The following CRPPA variants were observed in gnomAD, a reference collection of about 807,000 sequenced individuals.
CRPPA encodes the protein D-ribitol-5-phosphate cytidylyltransferase.
In CRPPA, 43 loss-of-function variants were observed where a neutral mutation model predicts 52.0. The observed-to-expected ratio is 0.83, with a 90% CI of 0.65 to 1.07. The LOEUF (loss-of-function observed/expected upper bound fraction) is 1.07. Ranked by LOEUF, CRPPA falls within the 50% of genes least tolerant of loss-of-function variation. The pLI is 0.00. For synonymous variants in CRPPA, 250 were observed against 203.5 expected (o/e 1.23, Z -1.94); for missense variants, 629 against 551.7 (o/e 1.14, Z -1.40).
intron 9 of CRPPA, among the ~76,000 whole-genome samples, chr7:16,190,642 TG>T (rs1781590616): frequency 6.6e-6 from 1 of 152,172 alleles, no homozygotes; most frequent in Non-Finnish European, 1.5e-5. Flanking sequence ...ATAGATTTTT[TG>T]CAGAACAGGT....
intron 2 of CRPPA, among the ~76,000 whole-genome samples, chr7:16,405,525 G>A (rs920171263): frequency 5.9e-5 from 9 of 151,966 alleles, no homozygotes; most frequent in Admixed American, 2.0e-4. Context: ...ATTTTACTTG[G>A]TAATAGAAGG....
At chr7:16,257,092 C>A (rs1034106239) in intron 8 of CRPPA, among the ~76,000 whole-genome samples, 1 of 152,052 alleles carries the variant, frequency 6.6e-6, no homozygotes, top group South Asian at 2.1e-4. Context: ...TGCATTCATT[C>A]ACTTTCATCC....
At chr7:16,259,600 C>G (rs904580773) in intron 6 of CRPPA, among the ~76,000 whole-genome samples, 2 of 151,884 alleles carry the variant, frequency 1.3e-5, no homozygotes, top group African/African-American at 4.8e-5. Flanking sequence ...TGCAAACTTT[C>G]CTAGTAAGAT....
At chr7:16,250,427 C>T (rs989024118) in intron 8 of CRPPA, among the ~76,000 whole-genome samples, 4 of 151,976 alleles carry the variant, frequency 2.6e-5, no homozygotes, top group African/African-American at 9.7e-5. Flanking sequence ...AATCGTCAGA[C>T]TGATCAAGGT....
chr7:16,334,159 A>T (rs1785622634), intron 3 of CRPPA, among the ~76,000 whole-genome samples: 1 of 152,190 alleles, frequency 6.6e-6, no homozygotes, highest in South Asian at 2.1e-4. Context: ...AAACTAGCCA[A>T]CTGAAGTGCA....
intron 3 of CRPPA, among the ~76,000 whole-genome samples, chr7:16,315,676 C>T (rs937522098): frequency 3.9e-5 from 6 of 152,100 alleles, no homozygotes; most frequent in African/African-American, 7.2e-5. Flanking sequence ...TTCTCCAGTA[C>T]CCATTTTAAG....
rs75224648 is a variant in CRPPA at position 16,350,750 on chromosome 7, C to T, written c.684+25342G>A. ...ATTGACAGAATGGCACTAGTAAGTC[C>T]TTACCTATCAATAATTACTTTGAAG... On this transcript the variant is annotated intron_variant, in intron 3 of 9. Coordinates refer to ENST00000407010, the MANE Select transcript of CRPPA (RefSeq NM_001101426.4). Among the ~76,000 whole-genome samples the T allele has an allele frequency of 6.3e-3, 954 of 152,250 alleles. 7 individuals carry two copies. The highest frequency in any genetic ancestry group is 0.029 in the South Asian group (141 of 4,828).
chr7:16,104,020 A>G (rs755944734), intron 9 of CRPPA, among the ~76,000 whole-genome samples: 4 of 152,236 alleles, frequency 2.6e-5, no homozygotes, highest in Non-Finnish European at 4.4e-5. Context: ...AGGATCATTT[A>G]AAGGATATTT....
Position 16,378,295 on chromosome 7 carries a change from G to A in CRPPA, c.535-2054C>T, listed in dbSNP as rs1357598913. 6.6e-4 allele frequency among the ~76,000 whole-genome samples: 77 copies of A among 117,022 alleles called. 1 individual carries two copies. Among genetic ancestry groups the A allele is most frequent in the African/African-American group, 2.6e-3 (74 of 28,698 alleles). 76.8% of individuals were successfully genotyped at this position (117,022 alleles called of 152,430 possible). A position where few individuals can be genotyped will look rare whatever the true frequency, so the allele number is the denominator to read the frequency against. Reference sequence around the variant, plus strand: ...CCCACAACAGACCCCAGAGTGTGATGTTCCCCTTCCTGTGTCCATGTGTTC... The same window carrying A: ...CCCACAACAGACCCCAGAGTGTGATATTCCCCTTCCTGTGTCCATGTGTTC... On this transcript the variant is annotated intron_variant, in intron 2 of 9. Coordinates refer to ENST00000407010, the MANE Select transcript of CRPPA (RefSeq NM_001101426.4).
intron 2 of CRPPA, among the ~76,000 whole-genome samples, chr7:16,392,083 T>C (rs985472064): frequency 2.6e-5 from 4 of 152,162 alleles, no homozygotes; most frequent in African/African-American, 9.7e-5. Flanking sequence ...TTGTAACAAG[T>C]TCATCTCTGC....
chr7:16,391,059 C>A (rs1010626263), intron 2 of CRPPA, among the ~76,000 whole-genome samples: 2 of 152,068 alleles, frequency 1.3e-5, no homozygotes, highest in African/African-American at 4.8e-5. Flanking sequence ...TATATCCAGC[C>A]CAGAATTCTC....
intron 2 of CRPPA, among the ~76,000 whole-genome samples, chr7:16,405,144 G>T (rs987200903): frequency 3.3e-4 from 50 of 151,098 alleles, no homozygotes; most frequent in African/African-American, 1.1e-3. Flanking sequence ...TGGCTAGGAA[G>T]GCTTGCTTCC....
chr7:16,143,134 A>G (rs1244291526), intron 9 of CRPPA, among the ~76,000 whole-genome samples: 1 of 152,220 alleles, frequency 6.6e-6, no homozygotes, highest in Admixed American at 6.5e-5. Flanking sequence ...AGTCTGCATC[A>G]CAATCATTAC....
At chr7:16,267,763 G>C (rs1019338532) in intron 6 of CRPPA, among the ~76,000 whole-genome samples, 8 of 152,086 alleles carry the variant, frequency 5.3e-5, no homozygotes, top group Non-Finnish European at 1.2e-4. Flanking sequence ...TAAATGTACA[G>C]TCTGCCTCCA....
intron 6 of CRPPA, chr7:16,268,984 A>G (rs2128415466): frequency 6.6e-6 from 1 of 152,292 alleles, no homozygotes; most frequent in South Asian, 2.1e-4. Context: ...TTAGAAAATC[A>G]GTTCGAACTT....
intron 9 of CRPPA, among the ~76,000 whole-genome samples, chr7:16,167,032 C>T (rs1243158965): frequency 6.6e-6 from 1 of 151,600 alleles, no homozygotes; most frequent in Admixed American, 6.6e-5. Context: ...GGGTTCACAC[C>T]ATTGTCCTGC....
At chr7:16,223,271 A>C (rs1247567799) in intron 8 of CRPPA, among the ~76,000 whole-genome samples, 1 of 152,156 alleles carries the variant, frequency 6.6e-6, no homozygotes. Flanking sequence ...CTACAGAATT[A>C]CCTTTGTTAC....
intron 9 of CRPPA, among the ~76,000 whole-genome samples, chr7:16,207,658 C>T (rs1439750834): frequency 6.6e-6 from 1 of 152,180 alleles, no homozygotes; most frequent in Non-Finnish European, 1.5e-5. Flanking sequence ...TTAGAAAACA[C>T]TCAGTTTTGC....
chr7:16,149,005 TTTCTACTCTG>T (rs1021235073), intron 9 of CRPPA, among the ~76,000 whole-genome samples: 1 of 152,216 alleles, frequency 6.6e-6, no homozygotes, highest in Non-Finnish European at 1.5e-5. Flanking sequence ...AAAAATATGT[TTTCTACTCTG>T]AAATGTAATT....
Sources: gnomAD v4.1 joint callset for allele counts (sites outside exome capture counted in the v4.1 genomes callset) on GRCh38, gnomAD v4.1.1 for gene constraint, MANE v1.5 for transcripts, NCBI Gene and HGNC (gene_info 2026-07-23, HGNC 2026-07-21) for gene names.